The following KLF12 variants were observed in gnomAD, a reference collection of about 807,000 sequenced individuals.
KLF12 encodes the protein Krueppel-like factor 12.
KLF12 carries 9 observed loss-of-function variants against 37.8 expected under a neutral mutation model. The observed-to-expected ratio is 0.24, with a 90% confidence interval of 0.14 to 0.42. The LOEUF is 0.42. Ranked by LOEUF, KLF12 falls within the 10% of genes least tolerant of loss-of-function variation. KLF12 has a pLI of 1.00. For synonymous variants in KLF12, 208 were observed against 202.1 expected (o/e 1.03, Z -0.25); for missense variants, 411 against 516.0 (o/e 0.80, Z 1.97).
At chr13:74,032,661 T>A (rs1893144680) in intron 1 of KLF12, among the ~76,000 whole-genome samples, 1 of 152,136 alleles carries the variant, frequency 6.6e-6, no homozygotes, top group Non-Finnish European at 1.5e-5. Context: ...CAGGCCTCTC[T>A]CTATATTTTC....
At chr13:74,294,727 T>G in the KLF12 span, among the ~76,000 whole-genome samples, 4 of 152,098 alleles carry the variant, frequency 2.6e-5, no homozygotes, top group Non-Finnish European at 5.9e-5. Context: ...TATATTCACA[T>G]CCAATTGGTA....
intron 2 of KLF12, among the ~76,000 whole-genome samples, chr13:73,986,934 T>C (rs1452227052): frequency 6.6e-6 from 1 of 151,588 alleles, no homozygotes; most frequent in Non-Finnish European, 1.5e-5. Context: ...TAAGATAAAT[T>C]TGTGTTTTTT....
chr13:73,974,089 T>C (rs1891428840), intron 2 of KLF12, among the ~76,000 whole-genome samples: 1 of 152,116 alleles, frequency 6.6e-6, no homozygotes, highest in East Asian at 1.9e-4. Flanking sequence ...ACAAATATTC[T>C]TTTTTAATGG....
At chr13:74,231,427 G>A in the KLF12 span, 1 of 152,238 alleles carries the variant, frequency 6.6e-6, no homozygotes, top group South Asian at 2.1e-4. Flanking sequence ...TATCTAGAGA[G>A]GTAAGGCAGA....
intron 6 of KLF12, among the ~76,000 whole-genome samples, chr13:73,746,383 T>C (rs1437057193): frequency 1.3e-5 from 2 of 152,204 alleles, no homozygotes; most frequent in African/African-American, 4.8e-5. Flanking sequence ...ATGCTGTCTT[T>C]ATAAAAGTCT....
At chr13:73,899,673 C>T (rs910947701) in intron 3 of KLF12, among the ~76,000 whole-genome samples, 2 of 152,256 alleles carry the variant, frequency 1.3e-5, no homozygotes, top group African/African-American at 4.8e-5. Flanking sequence ...AGGGCCCAGA[C>T]AGAACCAAAA....
intron 7 of KLF12, among the ~76,000 whole-genome samples, chr13:73,699,523 T>G (rs1224449845): frequency 1.3e-5 from 2 of 152,138 alleles, no homozygotes; most frequent in African/African-American, 4.8e-5. Context: ...CCTATGAGGG[T>G]GAAGGTCACA....
chr13:74,161,404 G>T, the KLF12 span, among the ~76,000 whole-genome samples: 1 of 152,000 alleles, frequency 6.6e-6, no homozygotes, highest in African/African-American at 2.4e-5. Context: ...AAAAAGAGAG[G>T]GAGATTTGGA....
At chr13:73,954,533 G>T (rs768588034) in intron 2 of KLF12, among the ~76,000 whole-genome samples, 15 of 152,132 alleles carry the variant, frequency 9.9e-5, no homozygotes, top group Non-Finnish European at 2.2e-4. Context: ...TTATTACAAG[G>T]TATAACAAAA....
chr13:73,729,364 G>T (rs1876894418), intron 6 of KLF12, among the ~76,000 whole-genome samples: 1 of 152,168 alleles, frequency 6.6e-6, no homozygotes, highest in South Asian at 2.1e-4. Flanking sequence ...AATACTCTCA[G>T]TGTATACTGT....
chr13:74,006,266 C>T (rs1398221656), intron 1 of KLF12, among the ~76,000 whole-genome samples: 4 of 152,290 alleles, frequency 2.6e-5, no homozygotes, highest in South Asian at 4.1e-4. Flanking sequence ...CTGATTCTTA[C>T]CTCTGTTCTC....
At chr13:73,900,003 A>G (rs532031318) in intron 3 of KLF12, among the ~76,000 whole-genome samples, 1 of 152,318 alleles carries the variant, frequency 6.6e-6, no homozygotes, top group South Asian at 2.1e-4. Context: ...AAACCTGAAG[A>G]GTGAAACTAA....
At chr13:74,153,489 AC>A in the KLF12 span, among the ~76,000 whole-genome samples, 9 of 151,900 alleles carry the variant, frequency 5.9e-5, no homozygotes, top group Non-Finnish European at 1.0e-4. Flanking sequence ...CTAAGTTCAT[AC>A]CCTTTCTATA....
chr13:73,881,031 C>T (rs945959343), intron 3 of KLF12, among the ~76,000 whole-genome samples: 6 of 152,176 alleles, frequency 3.9e-5, no homozygotes, highest in Non-Finnish European at 8.8e-5. Context: ...TATTCACAAT[C>T]ATTAATGCCC....
chr13:73,956,130 A>T (rs1890823199), intron 2 of KLF12, among the ~76,000 whole-genome samples: 2 of 152,214 alleles, frequency 1.3e-5, no homozygotes, highest in South Asian at 4.1e-4. Flanking sequence ...ACATTTTTAA[A>T]TTAAGGAATT....
chr13:73,838,151 T>C, intron 4 of KLF12, among the ~76,000 whole-genome samples: 1 of 152,152 alleles, frequency 6.6e-6, no homozygotes, highest in Non-Finnish European at 1.5e-5. Context: ...GGACAGAACC[T>C]AGGTCACAAT....
Position 73,955,013 on chromosome 13 carries a change from C to T in KLF12, c.34-10943G>A, listed in dbSNP as rs184093456. Reference sequence around the variant, plus strand: ...TCAGACTTCCTGGTTTAGTCTCTACCATGTATATAAGTCCAGGTGTATGAG... The same window carrying T: ...TCAGACTTCCTGGTTTAGTCTCTACTATGTATATAAGTCCAGGTGTATGAG... On this transcript the variant is annotated intron_variant, in intron 2 of 7. Coordinates refer to ENST00000377669, the MANE Select transcript of KLF12 (RefSeq NM_007249.5). Among the ~76,000 whole-genome samples, 4 of 152,224 alleles carry T rather than the reference C, an allele frequency of 2.6e-5. No homozygotes were observed. In the East Asian group the frequency reaches 7.7e-4, roughly 29 times the overall value.
the KLF12 span, among the ~76,000 whole-genome samples, chr13:74,270,082 G>T: frequency 2.6e-5 from 4 of 152,270 alleles, no homozygotes; most frequent in East Asian, 1.9e-4. Context: ...CTTCAGTGTT[G>T]TATAACATAA....
At position 73,694,979 on chromosome 13, in the gene KLF12, T is replaced by A. The variant is rs1316350988; in HGVS notation, c.*511A>T. On this transcript the variant is annotated 3_prime_UTR_variant, in exon 8 of 8. Coordinates refer to ENST00000377669, the MANE Select transcript of KLF12 (RefSeq NM_007249.5). ...CTTTGCAGGTAATGGGACCTCTCCA[T>A]CTGCTTCTTCGTTTCTACTTTCATG... The A allele has an allele frequency of 6.5e-6, 1 of 152,870 alleles. No individual in the cohort carries two copies. The highest frequency in any genetic ancestry group is 2.4e-5 in the African/African-American group (1 of 41,448). The allele number at this position is 152,870 out of a possible 1,614,324, so 9.5% of individuals were successfully genotyped here.
Sources: allele counts gnomAD v4.1 joint callset (sites outside exome capture counted in the v4.1 genomes callset), GRCh38; gene constraint gnomAD v4.1.1; transcripts MANE v1.5; gene names NCBI Gene and HGNC (gene_info 2026-07-23, HGNC 2026-07-21).